PRAMEF17: variants seen among roughly 807,000 people sequenced by gnomAD.
PRAMEF17 encodes PRAME family member 17.
PRAMEF17 carries 48 observed loss-of-function variants against 36.8 expected under a neutral mutation model. That is an observed-to-expected ratio of 1.30 (90% CI 1.03 to 1.66). The LOEUF (loss-of-function observed/expected upper bound fraction) is 1.66, where lower values mean the gene tolerates loss of function less well. PRAMEF17 is among the 40% of genes most tolerant of loss of function. The pLI is 0.00. For missense variants in PRAMEF17, 639 were observed against 560.6 expected (o/e 1.14, Z -1.41); for synonymous variants, 246 against 220.4 (o/e 1.12, Z -1.03).
At position 13,389,698 on chromosome 1, in the gene PRAMEF17, GCCAGAGC is replaced by G; in HGVS notation, c.43_49del (p.Gln15CysfsTer2). On this transcript the variant is annotated frameshift_variant, in exon 1 of 3. Transcript: ENST00000376098. LOFTEE classifies it high-confidence loss of function. ...CCATCCAGACTCCTGGAGCTGGCAG[GCCAGAGC>G]CTGCTGAGGAACCAGTTCTTGACCA... 6.2e-7 allele frequency: 1 copy of G among 1,612,052 alleles called. No homozygotes were observed. Among genetic ancestry groups the G allele is most frequent in the Non-Finnish European group, 8.5e-7 (1 of 1,179,890 alleles).
At chr1:13,390,167 G>T (rs1640860455) in intron 1 of PRAMEF17, among the ~76,000 whole-genome samples, 174 bp from the exon 2 acceptor site, 1 of 152,134 alleles carries the variant, frequency 6.6e-6, no homozygotes, top group African/African-American at 2.4e-5. Context: ...GGAAGGTAAA[G>T]GTTCTAGAAG....
rs1640859310 is a variant in PRAMEF17 at position 13,390,065 on chromosome 1, T to C, written c.287+121T>C. On this transcript the variant is annotated intron_variant, in intron 1 of 2. Coordinates refer to ENST00000376098, the MANE Select transcript of PRAMEF17 (RefSeq NM_001099851.3). ...GCTCAGAGGCTTCTGATGGTGCCCA[T>C]GAGAGACCTTGACCATTGCCCAGAT... The C allele has an allele frequency of 3.4e-6, 5 of 1,484,408 alleles. No homozygotes were observed. The East Asian group carries it at 1.1e-4, about 34-fold the overall frequency. 92.0% of individuals were successfully genotyped at this position (1,484,408 alleles called of 1,614,324 possible).
rs1216519598 is a variant in PRAMEF17 at position 13,390,341 on chromosome 1, G to A, written c.288G>A (p.Arg96=). The change falls in exon 2 of 3, where the codon AGG becomes AGA. Residue 96 remains arginine (R), a splice_region_variant and synonymous_variant. Coordinates refer to ENST00000376098, the MANE Select transcript of PRAMEF17 (RefSeq NM_001099851.3). The part of the protein sequence containing the change: ...DTLLAQKLRP[R]RWKLQVLDLR... ...AGCTTTTCCCCTATGTTACTCACAG[G>A]AGGTGGAAACTTCAAGTGCTGGATT... is the stretch of plus-strand genomic sequence containing the variant. 6.2e-7 allele frequency: 1 copy of A among 1,611,832 alleles called. No homozygotes were observed. The highest frequency in any genetic ancestry group is 1.3e-5 in the African/African-American group (1 of 74,834).
rs1557467905 is a variant in PRAMEF17 at position 13,389,921 on chromosome 1, G to C, written c.264G>C (p.Leu88=). The change falls in exon 1 of 3, where the codon CTG becomes CTC. Residue 88 remains leucine, a synonymous_variant. Transcript: ENST00000376098. ...CTGTGCTGAAGGGACTTGATACACT[G>C]CTGGCCCAGAAGCTTCGCCCCAGGT... ...LQAVLKGLDT[L]LAQKLRPRRW... is the part of the protein sequence containing the mutation. 6.2e-7 allele frequency: 1 copy of C among 1,612,908 alleles called. No homozygotes were observed. The highest frequency in any genetic ancestry group is 1.1e-5 in the South Asian group (1 of 91,012).
At chr1:13,390,057 G>C in intron 1 of PRAMEF17, 113 bp downstream of exon 1, 1 of 1,529,458 alleles carries the variant, frequency 6.5e-7, no homozygotes, top group Admixed American at 1.9e-5. Flanking sequence ...GGCTTCTGAT[G>C]GTGCCCATGA....
chr1:13,392,292 C>T lies in PRAMEF17; in HGVS notation c.1215C>T (p.Ser405=). ...TGCTGTGTCACACAGGTGGGCTGAGCAAGTTAGGTCTGGAGTTGTATCCTG... is the reference window on the plus strand; with the variant it reads ...TGCTGTGTCACACAGGTGGGCTGAGTAAGTTAGGTCTGGAGTTGTATCCTG... The part of the protein sequence containing the change: ...KDLLCHTGGL[S]KLGLELYPAP... Residue 405 remains serine, a synonymous_variant, in exon 3 of 3, where the codon AGC becomes AGT. Transcript: ENST00000376098. The T allele has an allele frequency of 6.2e-7, 1 of 1,611,946 alleles. No homozygotes were observed. The highest frequency in any genetic ancestry group is 2.2e-5 in the East Asian group (1 of 44,870).
Position 13,390,571 on chromosome 1 carries a change from A to G in PRAMEF17, c.518A>G (p.Tyr173Cys). 1 of 1,612,012 alleles carries G rather than the reference A, an allele frequency of 6.2e-7. No individual in the cohort carries two copies. Among genetic ancestry groups the G allele is most frequent in the South Asian group, 1.1e-5 (1 of 90,984 alleles). ...AGCTACCTCTGCAGGTGGATCCACT[A>G]CAGAAGAGGTCTAGTGCACCTGTGT... ...CLSYLCRWIH[Y>C]RRGLVHLCCN... Residue 173 changes from tyrosine to cysteine, a missense_variant, in exon 2 of 3, where the codon TAC (tyrosine) becomes TGC (cysteine). Physicochemically the swap from Tyr to Cys is radical, Grantham distance 194. Coordinates refer to ENST00000376098, the MANE Select transcript of PRAMEF17 (RefSeq NM_001099851.3).
Position 13,392,083 on chromosome 1 carries a change from A to G in PRAMEF17, c.1006A>G (p.Asn336Asp). 4 of 1,611,802 alleles carry G rather than the reference A, an allele frequency of 2.5e-6. No homozygotes were observed. Among genetic ancestry groups the G allele is most frequent in the Non-Finnish European group, 3.4e-6 (4 of 1,179,774 alleles). Residue 336 changes from asparagine (N) to aspartate (D), a missense_variant, in exon 3 of 3, where the codon AAT (asparagine) becomes GAT (aspartate). Physicochemically the swap from Asn to Asp is conservative, Grantham distance 23. Transcript: ENST00000376098. ...GATTCATATCCTAATGTGGACTACC[A>G]ATCTTGAGCCCCTTGGAGCTCTGCT... The part of the protein sequence containing the change: ...HLIHILMWTT[N>D]LEPLGALLEK...
Position 13,392,415 on chromosome 1 carries a change from G to A in PRAMEF17, c.1338G>A (p.Gln446=). 6.2e-7 allele frequency: 1 copy of A among 1,611,984 alleles called. No individual in the cohort carries two copies. The highest frequency in any genetic ancestry group is 8.5e-7 in the Non-Finnish European group (1 of 1,179,868). The change falls in exon 3 of 3, where the codon CAG becomes CAA. Residue 446 remains glutamine (Q), a synonymous_variant. Coordinates refer to ENST00000376098, the MANE Select transcript of PRAMEF17 (RefSeq NM_001099851.3). ...TGTGTACACTCAGGGAAGTCAGGCA[G>A]CCCAAGAGGATCTTTTTTGGTCCCA... ...ELMCTLREVR[Q]PKRIFFGPIP... is the part of the protein sequence containing the mutation.
Position 13,392,509 on chromosome 1 carries a change from C to T in PRAMEF17, c.*7C>T. On this transcript the variant is annotated 3_prime_UTR_variant, in exon 3 of 3. Coordinates refer to ENST00000376098, the MANE Select transcript of PRAMEF17 (RefSeq NM_001099851.3). Reference sequence around the variant, plus strand: ...CTTCCATCTTTGCTCTTAGTGAAGGCCTGATTAGTGGGATGGATATGCTTT... The same window carrying T: ...CTTCCATCTTTGCTCTTAGTGAAGGTCTGATTAGTGGGATGGATATGCTTT... The T allele has an allele frequency of 1.2e-6, 2 of 1,611,980 alleles. No homozygotes were observed. The highest frequency in any genetic ancestry group is 2.2e-5 in the South Asian group (2 of 90,990).
chr1:13,391,552 A>G (rs1640880226), intron 2 of PRAMEF17, among the ~76,000 whole-genome samples: 1 of 152,164 alleles, frequency 6.6e-6, no homozygotes, highest in Non-Finnish European at 1.5e-5. Context: ...GACCTTGCTC[A>G]GTTGAGTTCT....
chr1:13,391,429 C>G (rs914486093), intron 2 of PRAMEF17, among the ~76,000 whole-genome samples: 4 of 152,150 alleles, frequency 2.6e-5, no homozygotes, highest in East Asian at 1.9e-4. Flanking sequence ...AAGCATGCTT[C>G]TTGGACAGAG....
Position 13,390,687 on chromosome 1 carries a change from A to G in PRAMEF17, c.634A>G (p.Ile212Val), listed in dbSNP as rs1303588708. 3 of 1,611,906 alleles carry G rather than the reference A, an allele frequency of 1.9e-6. No individual in the cohort carries two copies. The highest frequency in any genetic ancestry group is 2.2e-5 in the East Asian group (1 of 44,900). ...CCCAGACAGTATCCAGGAGTTGGAA[A>G]TTAAGAGAAAGTGCTCTCTGAATAA... ...VYPDSIQELE[I>V]KRKCSLNKTG... is the part of the protein sequence containing the mutation. The change falls in exon 2 of 3, where the codon ATT becomes GTT. Residue 212 changes from isoleucine to valine, a missense_variant. Coordinates refer to ENST00000376098, the MANE Select transcript of PRAMEF17 (RefSeq NM_001099851.3).
Position 13,392,175 on chromosome 1 carries a change from C to G in PRAMEF17, c.1098C>G (p.Leu366=), listed in dbSNP as rs1468471582. The stretch of plus-strand genomic sequence containing the variant: ...ACTGTCAGATCCAGGACTCCCAGCT[C>G]AGGGTCCTCCTGCCTGCCCTGAGCC... ...LKDCQIQDSQ[L]RVLLPALSRC... The change falls in exon 3 of 3, where the codon CTC becomes CTG. Residue 366 remains leucine, a synonymous_variant. Coordinates refer to ENST00000376098, the MANE Select transcript of PRAMEF17 (RefSeq NM_001099851.3). 6.2e-7 allele frequency: 1 copy of G among 1,611,860 alleles called. No homozygotes were observed. Among genetic ancestry groups the G allele is most frequent in the African/African-American group, 1.3e-5 (1 of 74,850 alleles).
rs1640855513 is a variant in PRAMEF17, at chr1:13,389,800, A to AT, written c.147dup (p.Glu50Ter). 23 of 1,613,048 alleles carry AT rather than the reference A, an allele frequency of 1.4e-5. No individual in the cohort carries two copies. Among genetic ancestry groups the AT allele is most frequent in the Non-Finnish European group, 3.4e-6 (4 of 1,179,952 alleles). On this transcript the variant is annotated frameshift_variant, in exon 1 of 3. Transcript: ENST00000376098. LOFTEE classifies it high-confidence loss of function. ...TTCATGGAGGCCTCCAGCATGAGAC[A>AT]TTTTGAGGCCCTGAAGCTGATGGTG...
In PRAMEF17 at chr1:13,392,597, T is replaced by TTGTTTTTTTG; in HGVS notation, c.*96_*97insGTTTTTTTGT. On this transcript the variant is annotated 3_prime_UTR_variant, in exon 3 of 3. Transcript: ENST00000376098. ...TGGGTTTTTTTGTTTTTTTGTTTTTTTTTTGATGGAGTCTCGCTCTGTCCC... is the reference window on the plus strand; with the variant it reads ...TGGGTTTTTTTGTTTTTTTGTTTTTTTGTTTTTTTGTTTTGATGGAGTCTCGCTCTGTCCC... 1.3e-6 allele frequency: 2 copies of TTGTTTTTTTG among 1,548,256 alleles called. No individual in the cohort carries two copies. The highest frequency in any genetic ancestry group is 2.2e-5 in the East Asian group (1 of 44,504).
rs200660838 is a variant in PRAMEF17, at chr1:13,392,135, T to A, written c.1058T>A (p.Ile353Asn). ...LLEKVAATLE[I>N]LTLKDCQIQD... ...GAGAAAGTTGCTGCTACTCTCGAGA[T>A]CCTCACGTTAAAGGACTGTCAGATC... is the stretch of plus-strand genomic sequence containing the variant. The change falls in exon 3 of 3, where the codon ATC (isoleucine) becomes AAC (asparagine). Residue 353 changes from isoleucine (I) to asparagine (N), a missense_variant. By Grantham distance (149) the Ile-to-Asn change is moderately radical. Coordinates refer to ENST00000376098, the MANE Select transcript of PRAMEF17 (RefSeq NM_001099851.3). The A allele has an allele frequency of 1.2e-6, 2 of 1,611,692 alleles. No individual in the cohort carries two copies. Among genetic ancestry groups the A allele is most frequent in the Non-Finnish European group, 1.7e-6 (2 of 1,179,794 alleles).
At position 13,389,720 on chromosome 1, in the gene PRAMEF17, G is replaced by C; in HGVS notation, c.63G>C (p.Gln21His). The C allele has an allele frequency of 6.2e-7, 1 of 1,612,146 alleles. No homozygotes were observed. The highest frequency in any genetic ancestry group is 8.5e-7 in the Non-Finnish European group (1 of 1,179,942). ...ELAGQSLLRN[Q>H]FLTIFILDEL... is the part of the protein sequence containing the mutation. Reference sequence around the variant, plus strand: ...CAGGCCAGAGCCTGCTGAGGAACCAGTTCTTGACCATCTTCATCCTGGACG... The same window carrying C: ...CAGGCCAGAGCCTGCTGAGGAACCACTTCTTGACCATCTTCATCCTGGACG... Residue 21 changes from glutamine to histidine, a missense_variant, in exon 1 of 3, where the codon CAG (glutamine) becomes CAC (histidine). Coordinates refer to ENST00000376098, the MANE Select transcript of PRAMEF17 (RefSeq NM_001099851.3).
chr1:13,392,591 G>GA lies in PRAMEF17; in HGVS notation c.*89_*90insA. On this transcript the variant is annotated 3_prime_UTR_variant, in exon 3 of 3. Transcript: ENST00000376098. Reference sequence around the variant, plus strand: ...CACAGGTGGGTTTTTTTGTTTTTTTGTTTTTTTTTTGATGGAGTCTCGCTC... The same window carrying GA: ...CACAGGTGGGTTTTTTTGTTTTTTTGATTTTTTTTTTGATGGAGTCTCGCTC... 7.0e-7 allele frequency: 1 copy of GA among 1,422,722 alleles called. No individual in the cohort carries two copies. The highest frequency in any genetic ancestry group is 9.5e-7 in the Non-Finnish European group (1 of 1,050,426). The allele number at this position is 1,422,722 out of a possible 1,614,324, so 88.1% of individuals were successfully genotyped here.
Sources: gnomAD v4.1 joint callset for allele counts (sites outside exome capture counted in the v4.1 genomes callset) on GRCh38, gnomAD v4.1.1 for gene constraint, MANE v1.5 for transcripts, NCBI Gene and HGNC (gene_info 2026-07-23, HGNC 2026-07-21) for gene names.